The following EYS variants were observed in gnomAD, a reference collection of about 807,000 sequenced individuals.
EYS encodes protein eyes shut homolog.
In EYS, 250 loss-of-function variants were observed where a neutral mutation model predicts 282.1. The observed-to-expected ratio is 0.89, with a 90% CI of 0.80 to 0.98. EYS has a LOEUF of 0.98. EYS is among the 50% of genes least tolerant of loss of function. The probability of loss-of-function intolerance (pLI) is 0.00; values close to 1 mark genes in which losing one functional copy is unlikely to be tolerated. For synonymous variants in EYS, 1,355 were observed against 1,282.9 expected (o/e 1.06, Z -1.20); for missense variants, 4,016 against 3,709.0 (o/e 1.08, Z -2.15).
At chr6:64,829,006 G>A (rs1459871165) in intron 19 of EYS, among the ~76,000 whole-genome samples, 2 of 151,858 alleles carry the variant, frequency 1.3e-5, no homozygotes, top group African/African-American at 4.8e-5. Context: ...CCCATGATGT[G>A]GTCATAATCT....
At chr6:63,994,310 C>T (rs567334065) in intron 34 of EYS, among the ~76,000 whole-genome samples, 1 of 151,966 alleles carries the variant, frequency 6.6e-6, no homozygotes, top group Non-Finnish European at 1.5e-5. Context: ...TAAGTAGGAA[C>T]AGATAAATAT....
At chr6:64,679,420 C>T (rs1769820355) in intron 22 of EYS, among the ~76,000 whole-genome samples, 1 of 151,948 alleles carries the variant, frequency 6.6e-6, no homozygotes. Context: ...TTATTTTTTT[C>T]CCACCAAGTC....
chr6:64,689,166 A>G (rs1316574098), intron 22 of EYS, among the ~76,000 whole-genome samples: 2 of 152,196 alleles, frequency 1.3e-5, no homozygotes, highest in Non-Finnish European at 2.9e-5. Flanking sequence ...AAGCATTCCT[A>G]TACACTAATA....
At chr6:64,025,294 G>A (rs1424604146) in intron 33 of EYS, among the ~76,000 whole-genome samples, 1 of 152,114 alleles carries the variant, frequency 6.6e-6, no homozygotes, top group Admixed American at 6.5e-5. Flanking sequence ...GGGCTGAGCT[G>A]AGGATCGACA....
intron 31 of EYS, among the ~76,000 whole-genome samples, chr6:64,115,615 A>G (rs1773354959): frequency 6.6e-6 from 1 of 152,224 alleles, no homozygotes; most frequent in South Asian, 2.1e-4. Context: ...TAGAGTCTTT[A>G]CAACGACACC....
chr6:64,750,164 T>G (rs2149968753), intron 22 of EYS, among the ~76,000 whole-genome samples: 1 of 152,176 alleles, frequency 6.6e-6, no homozygotes, highest in East Asian at 1.9e-4. Context: ...CTAGTTATTT[T>G]TAAAGCTATA....
intron 22 of EYS, among the ~76,000 whole-genome samples, chr6:64,677,275 G>C (rs545018893): frequency 7.2e-5 from 11 of 151,882 alleles, no homozygotes; most frequent in Non-Finnish European, 1.3e-4. Flanking sequence ...AGTTTCATAT[G>C]GTTGTTAGAA....
At chr6:63,897,697 C>A (rs1188770518) in intron 35 of EYS, among the ~76,000 whole-genome samples, 1 of 152,194 alleles carries the variant, frequency 6.6e-6, no homozygotes, top group Non-Finnish European at 1.5e-5. Flanking sequence ...ATAGCAATGA[C>A]TAATACAAGT....
intron 19 of EYS, among the ~76,000 whole-genome samples, chr6:64,834,333 T>C (rs1765317494): frequency 6.6e-6 from 1 of 151,908 alleles, no homozygotes; most frequent in Admixed American, 6.6e-5. Context: ...TTTAAACATA[T>C]TAGCTTCATA....
intron 11 of EYS, among the ~76,000 whole-genome samples, chr6:65,311,115 C>T (rs1769145812): frequency 6.6e-6 from 1 of 151,988 alleles, no homozygotes; most frequent in African/African-American, 2.4e-5. Context: ...AAATACTACA[C>T]TTGATCTTAG....
chr6:64,896,830 G>A (rs772475974), intron 18 of EYS, among the ~76,000 whole-genome samples: 15 of 152,084 alleles, frequency 9.9e-5, no homozygotes, highest in Admixed American at 3.3e-4. Context: ...GAACAAAGCC[G>A]CCAGGAAGTT....
Position 64,327,741 on chromosome 6 carries a change from G to GA in EYS, c.6079-20660dup, listed in dbSNP as rs537011892. On this transcript the variant is annotated intron_variant, in intron 29 of 42. Transcript: ENST00000503581. Reference sequence around the variant, plus strand: ...AAGAAAAGGATTCACAGGAAAAGCAGAAAAAACCCGTCCTACAGGCCCCAC... The same window carrying GA: ...AAGAAAAGGATTCACAGGAAAAGCAGAAAAAAACCCGTCCTACAGGCCCCAC... 3.5e-4 allele frequency among the ~76,000 whole-genome samples: 53 copies of GA among 152,226 alleles called. No individual in the cohort carries two copies. The East Asian group carries it at 8.7e-3, about 25-fold the overall frequency.
chr6:63,734,212 C>T (rs1768852474), intron 41 of EYS, among the ~76,000 whole-genome samples: 1 of 152,076 alleles, frequency 6.6e-6, no homozygotes, highest in Non-Finnish European at 1.5e-5. Context: ...GTACCTCCAA[C>T]CTTAGAATCA....
At chr6:64,349,365 G>T (rs1006688958) in intron 29 of EYS, among the ~76,000 whole-genome samples, 5 of 151,094 alleles carry the variant, frequency 3.3e-5, no homozygotes, top group African/African-American at 9.7e-5. Context: ...GGTGCTAATT[G>T]TATCAACTCC....
chr6:63,860,454 C>A (rs1424807386), intron 36 of EYS, among the ~76,000 whole-genome samples: 4 of 151,964 alleles, frequency 2.6e-5, no homozygotes, highest in African/African-American at 4.8e-5. Flanking sequence ...TGTAGGGAAA[C>A]CTTCAATCAA....
chr6:65,089,982 TACACACACAC>T (rs113762450), intron 12 of EYS, among the ~76,000 whole-genome samples: 8 of 141,302 alleles, frequency 5.7e-5, no homozygotes, highest in East Asian at 4.2e-4. Flanking sequence ...TATAAATAAA[TACACACACAC>T]ACACACACAC....
intron 15 of EYS, among the ~76,000 whole-genome samples, chr6:64,924,153 C>A (rs140180601): frequency 0.013 from 2,009 of 152,306 alleles, 35 homozygotes; most frequent in African/African-American, 0.046. Flanking sequence ...GAAATCTAGG[C>A]AGAGGTTCCC....
At chr6:65,616,776 C>T (rs1261540438) in intron 2 of EYS, among the ~76,000 whole-genome samples, 1 of 137,126 alleles carries the variant, frequency 7.3e-6, no homozygotes, top group African/African-American at 3.1e-5. Context: ...CAGAGTGACA[C>T]TCTGTCTAAA....
rs191777532 is a variant in EYS, at chr6:64,961,214, T to C, written c.2260-15300A>G. Among the ~76,000 whole-genome samples, 7 of 152,286 alleles carry C rather than the reference T, an allele frequency of 4.6e-5. No homozygotes were observed. In the South Asian group the frequency reaches 6.2e-4, roughly 14 times the overall value. ...GAATAGTGGTTCTGTCATTACATCA[T>C]TGAGGAATCATCACACTGTCTTCCA... On this transcript the variant is annotated intron_variant, in intron 14 of 42. Coordinates refer to ENST00000503581, the MANE Select transcript of EYS (RefSeq NM_001142800.2).
Sources: allele counts gnomAD v4.1 joint callset (sites outside exome capture counted in the v4.1 genomes callset), GRCh38; gene constraint gnomAD v4.1.1; transcripts MANE v1.5; gene names NCBI Gene and HGNC (gene_info 2026-07-23, HGNC 2026-07-21).